The following RET variants were observed in gnomAD, a reference collection of about 807,000 sequenced individuals.
RET encodes the protein proto-oncogene tyrosine-protein kinase receptor Ret.
A neutral mutation model predicts 118.3 loss-of-function variants in RET; 19 were observed. The ratio of observed to expected loss-of-function variants is 0.16; its 90% CI spans 0.11 to 0.24. The LOEUF (loss-of-function observed/expected upper bound fraction) is 0.24, where lower values mean the gene tolerates loss of function less well. Among genes scored for constraint, RET ranks in the 10% least tolerant of loss-of-function variants. The pLI is 1.00. For synonymous variants in RET, 597 were observed against 644.1 expected (o/e 0.93, Z 1.11); for missense variants, 1,219 against 1,502.1 (o/e 0.81, Z 3.12).
Position 43,100,559 on chromosome 10 carries a change from C to T in RET, c.174C>T (p.Asp58=), listed in dbSNP as rs746943314. The T allele has an allele frequency of 5.6e-6, 9 of 1,613,918 alleles. No individual in the cohort carries two copies. Among genetic ancestry groups the T allele is most frequent in the Admixed American group, 1.7e-5 (1 of 60,032 alleles). The change falls in exon 2 of 20, where the codon GAC becomes GAT. Residue 58 remains aspartate, a synonymous_variant. Coordinates refer to ENST00000355710, the MANE Select transcript of RET (RefSeq NM_020975.6). ...TGCTGTACGTCCATGCCCTGCGGGA[C>T]GCCCCTGAGGAGGTGCCCAGCTTCC... ...TPLLYVHALR[D]APEEVPSFRL...
At chr10:43,108,637 C>T (rs1588868991) in intron 5 of RET, among the ~76,000 whole-genome samples, 2 of 152,214 alleles carry the variant, frequency 1.3e-5, no homozygotes, top group Middle Eastern at 3.4e-3. Flanking sequence ...TTTCAGTTTA[C>T]AACTCTATAC....
chr10:43,124,220 G>A (rs1838282201), intron 17 of RET, among the ~76,000 whole-genome samples: 1 of 152,116 alleles, frequency 6.6e-6, no homozygotes, highest in Non-Finnish European at 1.5e-5. Context: ...ACACTCTCAG[G>A]GGAGATGGTC....
At position 43,106,351 on chromosome 10, in the gene RET, G is replaced by A; in HGVS notation, c.868-25G>A. The A allele has an allele frequency of 4.4e-6, 7 of 1,604,402 alleles. No individual in the cohort carries two copies. The highest frequency in any genetic ancestry group is 5.9e-6 in the Non-Finnish European group (7 of 1,179,582). On this transcript the variant is annotated intron_variant, in intron 4 of 19. Transcript: ENST00000355710. The surrounding 1 kb of genome is among the most constrained non-coding windows in gnomAD (Gnocchi z 5.1). ...CTGAGGGGCCCATCTCGCCTGCACT[G>A]ACCAACGCCCTCTGCATCCTGCAGG...
intron 19 of RET, among the ~76,000 whole-genome samples, chr10:43,127,714 C>T (rs1257418294): frequency 1.3e-5 from 2 of 152,088 alleles, no homozygotes; most frequent in Admixed American, 1.3e-4. Context: ...CCGTTGTAGG[C>T]TCAGACAACA....
chr10:43,122,618 G>A (rs907200140), intron 16 of RET, among the ~76,000 whole-genome samples: 2 of 151,956 alleles, frequency 1.3e-5, no homozygotes, highest in South Asian at 2.1e-4. Context: ...CTTTTTTTGT[G>A]GGGGGAGGGG....
Position 43,120,185 on chromosome 10 carries a change from C to A in RET, c.2712C>A (p.Ser904=), listed in dbSNP as rs1800863. The change falls in exon 15 of 20, where the codon TCC becomes TCA. Residue 904 remains serine, a synonymous_variant. Coordinates refer to ENST00000355710, the MANE Select transcript of RET (RefSeq NM_020975.6). ...CCCGAGATGTTTATGAAGAGGATTCCTACGTGAAGAGGAGCCAGGTGCCCA... is the reference window on the plus strand; with the variant it reads ...CCCGAGATGTTTATGAAGAGGATTCATACGTGAAGAGGAGCCAGGTGCCCA... The part of the protein sequence containing the change: ...GLSRDVYEED[S]YVKRSQGRIP... The A allele has an allele frequency of 6.2e-6, 10 of 1,612,740 alleles. No homozygotes were observed. The Admixed American group carries it at 1.0e-4, about 16-fold the overall frequency.
rs1321512022 is a variant in RET at position 43,128,135 on chromosome 10, G to A, written c.3211G>A (p.Gly1071Arg). ...AGGCATGTCAGACCCGAACTGGCCT[G>A]GAGAGAGTCCTGTACCACTCACGAG... ...LYGMSDPNWP[G>R]ESPVPLTRAD... The change falls in exon 20 of 20, where the codon GGA becomes AGA. Residue 1071 changes from glycine (G) to arginine (R), a missense_variant. Physicochemically the swap from Gly to Arg is moderately radical, Grantham distance 125 (BLOSUM62 -2). This residue lies in a region of RET where 174 missense variants were observed against 179.3 expected (regional missense o/e 0.97). Coordinates refer to ENST00000355710, the MANE Select transcript of RET (RefSeq NM_020975.6). The A allele has an allele frequency of 2.5e-6, 4 of 1,614,146 alleles. No homozygotes were observed. The highest frequency in any genetic ancestry group is 3.4e-6 in the Non-Finnish European group (4 of 1,180,024).
At chr10:43,124,263 G>T (rs930704057) in intron 17 of RET, among the ~76,000 whole-genome samples, 2 of 152,100 alleles carry the variant, frequency 1.3e-5, no homozygotes, top group African/African-American at 4.8e-5. Context: ...ATGAGAAAGG[G>T]CTGCCCAGAG....
At chr10:43,085,120 C>T (rs974872767) in intron 1 of RET, among the ~76,000 whole-genome samples, 8 of 152,194 alleles carry the variant, frequency 5.3e-5, no homozygotes, top group Admixed American at 2.6e-4. Flanking sequence ...GGCCCTGAAC[C>T]GAGGGTGGCA....
intron 1 of RET, among the ~76,000 whole-genome samples, chr10:43,087,876 G>T (rs74387754): frequency 0.013 from 1,946 of 152,326 alleles, 23 homozygotes; most frequent in Non-Finnish European, 0.018. Flanking sequence ...GAGTGGTAGG[G>T]ATAGAGGTGA....
At chr10:43,088,242 G>GA (rs1837334845) in intron 1 of RET, among the ~76,000 whole-genome samples, 1 of 150,704 alleles carries the variant, frequency 6.6e-6, no homozygotes, top group Non-Finnish European at 1.5e-5. Flanking sequence ...TGGTGGTGGT[G>GA]ATGGTGGTGG....
chr10:43,106,640 G>A lies in RET; in HGVS notation c.1063+69G>A, dbSNP rs1837787968. ...TGAGGTGCTCGCTCTTCATGGGCAA[G>A]CAGCACCCTACACACATGCACACCT... On this transcript the variant is annotated intron_variant, in intron 5 of 19. Coordinates refer to ENST00000355710, the MANE Select transcript of RET (RefSeq NM_020975.6). The surrounding 1 kb of genome is among the most constrained non-coding windows in gnomAD (Gnocchi z 5.1). 24 of 1,507,778 alleles carry A rather than the reference G, an allele frequency of 1.6e-5. No individual in the cohort carries two copies. Among genetic ancestry groups the A allele is most frequent in the Non-Finnish European group, 2.1e-5 (23 of 1,100,944 alleles). The allele number at this position is 1,507,778 out of a possible 1,614,324, so 93.4% of individuals were successfully genotyped here.
In RET at chr10:43,106,357, C is replaced by T. The variant is rs1415274397; in HGVS notation, c.868-19C>T. ...GGCCCATCTCGCCTGCACTGACCAA[C>T]GCCCTCTGCATCCTGCAGGACACCG... On this transcript the variant is annotated intron_variant, in intron 4 of 19. Coordinates refer to ENST00000355710, the MANE Select transcript of RET (RefSeq NM_020975.6). The surrounding 1 kb of genome is among the most constrained non-coding windows in gnomAD (Gnocchi z 5.1). 3 of 1,605,722 alleles carry T rather than the reference C, an allele frequency of 1.9e-6. No homozygotes were observed. Among genetic ancestry groups the T allele is most frequent in the Non-Finnish European group, 2.5e-6 (3 of 1,179,532 alleles).
chr10:43,129,748 G>T lies in RET; in HGVS notation c.*1479G>T. On this transcript the variant is annotated 3_prime_UTR_variant, in exon 20 of 20. Coordinates refer to ENST00000355710, the MANE Select transcript of RET (RefSeq NM_020975.6). ...AATTGTGGCATTTTGTGAGGCCAAG[G>T]CTTGGATGCGTGTGTAATAGAGCCT... 1 of 388,572 alleles carries T rather than the reference G, an allele frequency of 2.6e-6. No individual in the cohort carries two copies. The allele number at this position is 388,572 out of a possible 1,614,324, so 24.1% of individuals were successfully genotyped here.
chr10:43,126,858 A>G (rs1457864666), intron 19 of RET, 136 bp downstream of exon 19: 23 of 1,470,890 alleles, frequency 1.6e-5, no homozygotes, highest in Middle Eastern at 3.5e-4. Flanking sequence ...TTATTTGTAA[A>G]TGTCTGACTT....
rs377767393 is a variant in RET at position 43,113,595 on chromosome 10, G to A, written c.1799G>A (p.Arg600Gln). ...IVGGHEPGEP[R>Q]GIKAGYGTCN... ...GGGGGACACGAGCCTGGGGAGCCCC[G>A]GGGGATTAAAGCTGGCTATGGCACC... Residue 600 changes from arginine (R) to glutamine (Q), a missense_variant, in exon 10 of 20, where the codon CGG (arginine) becomes CAG (glutamine). Arg to Gln is a conservative substitution (Grantham distance 43). This residue lies in a region of RET where 850 missense variants were observed against 969.6 expected (regional missense o/e 0.88). Transcript: ENST00000355710. The A allele has an allele frequency of 1.9e-5, 30 of 1,611,660 alleles. 1 individual carries two copies. Among genetic ancestry groups the A allele is most frequent in the South Asian group, 1.7e-4 (15 of 90,658 alleles).
intron 1 of RET, among the ~76,000 whole-genome samples, chr10:43,082,731 G>T (rs976887806): frequency 1.3e-5 from 2 of 152,240 alleles, no homozygotes; most frequent in African/African-American, 4.8e-5. Flanking sequence ...TCCCTTGTGT[G>T]CCTGTGACTC....
At chr10:43,108,471 G>A (rs72781237) in intron 5 of RET, among the ~76,000 whole-genome samples, 6,224 of 152,226 alleles carry the variant, frequency 0.041, 147 homozygotes, top group South Asian at 0.079. Flanking sequence ...TGTTAATGCC[G>A]GTCAGTTGTG....
chr10:43,077,610 T>C (rs1454234468), intron 1 of RET, among the ~76,000 whole-genome samples: 1 of 151,904 alleles, frequency 6.6e-6, no homozygotes, highest in Admixed American at 6.5e-5. Flanking sequence ...ACCCTAGCCA[T>C]AGCCGCAGGT....
Sources: gnomAD v4.1 joint callset for allele counts (sites outside exome capture counted in the v4.1 genomes callset) on GRCh38, gnomAD v4.1.1 for gene constraint, gnomAD v4.1.1 regional missense constraint, Gnocchi (gnomAD v3.1) non-coding constraint, MANE v1.5 for transcripts, NCBI Gene and HGNC (gene_info 2026-07-23, HGNC 2026-07-21) for gene names.